The following PGBD5 variants were observed in gnomAD, a reference collection of about 807,000 sequenced individuals.
PGBD5 encodes piggyBac transposable element derived 5.
Under a neutral mutation model 47.9 loss-of-function variants are expected in PGBD5, and 14 were observed. The observed-to-expected ratio is 0.29, with a 90% CI of 0.19 to 0.46. PGBD5 has a LOEUF of 0.46. Among genes scored for constraint, PGBD5 ranks in the 20% least tolerant of loss-of-function variants. The pLI, the probability that PGBD5 is intolerant of heterozygous loss-of-function variation, is 1.00. For missense variants in PGBD5, 635 were observed against 716.0 expected, an observed-to-expected ratio of 0.89 and a Z score of 1.29; for synonymous variants, 316 against 306.3, an observed-to-expected ratio of 1.03 and a Z score of -0.33.
At chr1:230,371,441 C>A (rs1182104072) in intron 1 of PGBD5, among the ~76,000 whole-genome samples, 1 of 152,110 alleles carries the variant, frequency 6.6e-6, no homozygotes, top group Admixed American at 6.5e-5. Flanking sequence ...TCAATCAGGG[C>A]TACTAAGAAA....
At chr1:230,363,858 C>A (rs1443737648) in intron 1 of PGBD5, among the ~76,000 whole-genome samples, 1 of 152,182 alleles carries the variant, frequency 6.6e-6, no homozygotes, top group African/African-American at 2.4e-5. Flanking sequence ...TCATTTGAGA[C>A]ACAAAGTTAC....
At chr1:230,380,223 T>G (rs1668074952) in intron 1 of PGBD5, among the ~76,000 whole-genome samples, 1 of 152,342 alleles carries the variant, frequency 6.6e-6, no homozygotes. Flanking sequence ...ACTTCCCTTG[T>G]AATCACAGGA....
At chr1:230,329,767 GGCCA>G (rs1424661927) in intron 5 of PGBD5, among the ~76,000 whole-genome samples, 1 of 152,190 alleles carries the variant, frequency 6.6e-6, no homozygotes, top group South Asian at 2.1e-4. Flanking sequence ...AACCCAGCCT[GGCCA>G]CTAAACAACA....
chr1:230,360,024 G>T (rs1667718433), intron 1 of PGBD5, among the ~76,000 whole-genome samples: 1 of 152,206 alleles, frequency 6.6e-6, no homozygotes, highest in Non-Finnish European at 1.5e-5. Context: ...TTTTATTTCA[G>T]CACAGCCTTG....
chr1:230,340,647 G>C (rs984647764), intron 3 of PGBD5, among the ~76,000 whole-genome samples: 18 of 152,100 alleles, frequency 1.2e-4, no homozygotes, highest in African/African-American at 3.9e-4. Flanking sequence ...GATTACCCAA[G>C]CATAAGACTA....
rs140244007 is a variant in PGBD5, at chr1:230,393,780, G to A, written c.331+31818C>T. Among the ~76,000 whole-genome samples, 1,084 of 147,444 alleles carry A rather than the reference G, an allele frequency of 7.4e-3. 11 individuals carry two copies. The highest frequency in any genetic ancestry group is 0.026 in the African/African-American group (1,040 of 40,112). ...GCGGAGCTTGCAGTGAGCGGAGATC[G>A]CGCCACAGCACTCCCGCCTGGGCGA... On this transcript the variant is annotated intron_variant, in intron 1 of 6. Transcript: ENST00000391860.
intron 1 of PGBD5, among the ~76,000 whole-genome samples, chr1:230,378,035 A>C (rs1668042950): frequency 6.6e-6 from 1 of 152,254 alleles, no homozygotes; most frequent in Non-Finnish European, 1.5e-5. Flanking sequence ...GTCCAAGTAC[A>C]GAAAGCTCAG....
At chr1:230,409,527 T>C (rs1657370543) in intron 1 of PGBD5, among the ~76,000 whole-genome samples, 1 of 152,166 alleles carries the variant, frequency 6.6e-6, no homozygotes, top group South Asian at 2.1e-4. Flanking sequence ...GAAAAAGGAC[T>C]GAAATACTGA....
At position 230,395,774 on chromosome 1, in the gene PGBD5, C is replaced by G. The variant is rs141638523; in HGVS notation, c.331+29824G>C. The stretch of plus-strand genomic sequence containing the variant: ...CTCACTCCCACCCTCCTCCCCCCTC[C>G]TCACACTCCTCCCCATCCCTGAGCT... On this transcript the variant is annotated intron_variant, in intron 1 of 6. Transcript: ENST00000391860. Among the ~76,000 whole-genome samples, 61 of 12,666 alleles carry G rather than the reference C, an allele frequency of 4.8e-3. 2 individuals are homozygous for G. The highest frequency in any genetic ancestry group is 8.4e-3 in the Non-Finnish European group (48 of 5,742). 8.3% of individuals were successfully genotyped at this position (12,666 alleles called of 152,430 possible). A position where few individuals can be genotyped will look rare whatever the true frequency, so the allele number is the denominator to read the frequency against.
At chr1:230,353,136 G>A (rs1667584213) in intron 2 of PGBD5, among the ~76,000 whole-genome samples, 1 of 152,118 alleles carries the variant, frequency 6.6e-6, no homozygotes, top group Non-Finnish European at 1.5e-5. Context: ...ATGCAGCACG[G>A]AACAGCATGC....
intron 6 of PGBD5, among the ~76,000 whole-genome samples, chr1:230,324,309 C>T (rs906303594): frequency 1.3e-5 from 2 of 152,242 alleles, no homozygotes; most frequent in Non-Finnish European, 2.9e-5. Context: ...ACATCTACCC[C>T]ACAAATGCCA....
rs1461212833 is a variant in PGBD5, at chr1:230,317,923, A to ACCGTGTATACATGGGTATACACGGAAGG, written c.*5474_*5501dup. The ACCGTGTATACATGGGTATACACGGAAGG allele has an allele frequency of 6.6e-6, 1 of 152,002 alleles. No homozygotes were observed. The highest frequency in any genetic ancestry group is 2.4e-5 in the African/African-American group (1 of 41,382). 9.4% of individuals were successfully genotyped at this position (152,002 alleles called of 1,614,324 possible). On this transcript the variant is annotated 3_prime_UTR_variant, in exon 7 of 7. Coordinates refer to ENST00000391860, the MANE Select transcript of PGBD5 (RefSeq NM_001258311.2). ...CTCCCGCAGGAGTCTCCTCATTACG[A>ACCGTGTATACATGGGTATACACGGAAGG]CCGTGTATACATGGGTATACACGGA...
intron 1 of PGBD5, among the ~76,000 whole-genome samples, chr1:230,402,803 T>C (rs1657174506): frequency 6.6e-6 from 1 of 152,214 alleles, no homozygotes; most frequent in African/African-American, 2.4e-5. Context: ...CATTTTAATA[T>C]GTCTCAATGA....
intron 1 of PGBD5, among the ~76,000 whole-genome samples, chr1:230,383,593 A>G (rs923427152): frequency 1.3e-5 from 2 of 151,902 alleles, no homozygotes; most frequent in African/African-American, 2.4e-5. Flanking sequence ...GCTGGTCTTG[A>G]ACTCCTGGCT....
intron 1 of PGBD5, among the ~76,000 whole-genome samples, chr1:230,412,346 A>G (rs1246866322): frequency 3.3e-5 from 5 of 151,266 alleles, no homozygotes. Flanking sequence ...CAGAAAAAAC[A>G]TATTTTCTAT....
intron 1 of PGBD5, among the ~76,000 whole-genome samples, chr1:230,408,981 C>T (rs904804065): frequency 4.6e-5 from 7 of 151,990 alleles, no homozygotes; most frequent in African/African-American, 9.7e-5. Context: ...AAGGAATATT[C>T]GGAATATATA....
At chr1:230,349,277 C>T (rs1667524979) in intron 3 of PGBD5, among the ~76,000 whole-genome samples, 1 of 152,104 alleles carries the variant, frequency 6.6e-6, no homozygotes, top group South Asian at 2.1e-4. Context: ...ACTGTAATCT[C>T]AGCATTTTGG....
intron 5 of PGBD5, among the ~76,000 whole-genome samples, chr1:230,331,008 G>C (rs75458119): frequency 0.01 from 1,561 of 152,156 alleles, 33 homozygotes; most frequent in African/African-American, 0.035. Context: ...TCCTGGAGAG[G>C]ATTTTGAACC....
At chr1:230,398,606 C>G (rs746753358) in intron 1 of PGBD5, among the ~76,000 whole-genome samples, 26 of 152,188 alleles carry the variant, frequency 1.7e-4, no homozygotes, top group Non-Finnish European at 3.2e-4. Context: ...CTAGACAGAA[C>G]TAGGCAGTTC....
Sources: allele counts gnomAD v4.1 joint callset (sites outside exome capture counted in the v4.1 genomes callset), GRCh38; gene constraint gnomAD v4.1.1; transcripts MANE v1.5; gene names NCBI Gene and HGNC (gene_info 2026-07-23, HGNC 2026-07-21).